Variants in JARID2 observed in about 807,000 individuals in gnomAD.
The protein encoded by JARID2 is jumonji and AT-rich interaction domain containing 2.
JARID2 carries 21 observed loss-of-function variants against 125.6 expected under a neutral mutation model. The observed-to-expected ratio is 0.17, with a 90% confidence interval of 0.12 to 0.24. The LOEUF is 0.24. JARID2 is among the 10% of genes least tolerant of loss of function. JARID2 has a pLI of 1.00. For missense variants in JARID2, 1,303 were observed against 1,639.6 expected (o/e 0.79, Z 3.55); for synonymous variants, 736 against 661.6 (o/e 1.11, Z -1.73).
rs1187133989 is a variant in JARID2, at chr6:15,346,611, G to A, written c.46-27506G>A. 2.0e-5 allele frequency among the ~76,000 whole-genome samples: 3 copies of A among 152,128 alleles called. No homozygotes were observed. In the East Asian group the frequency reaches 5.8e-4, roughly 29 times the overall value. On this transcript the variant is annotated intron_variant, in intron 1 of 17. Coordinates refer to ENST00000341776, the MANE Select transcript of JARID2 (RefSeq NM_004973.4). Reference sequence around the variant, plus strand: ...AACCCACTTCTCTGGGAGAGGGGATGTGGAGCCATCGTTTTGTCTTGATCT... The same window carrying A: ...AACCCACTTCTCTGGGAGAGGGGATATGGAGCCATCGTTTTGTCTTGATCT...
rs185272797 is a variant in JARID2, at chr6:15,406,164, G to A, written c.182-4060G>A. 2.4e-3 allele frequency among the ~76,000 whole-genome samples: 362 copies of A among 152,274 alleles called. 1 individual carries two copies. Among genetic ancestry groups the A allele is most frequent in the African/African-American group, 7.8e-3 (323 of 41,536 alleles). On this transcript the variant is annotated intron_variant, in intron 2 of 17. Coordinates refer to ENST00000341776, the MANE Select transcript of JARID2 (RefSeq NM_004973.4). The stretch of plus-strand genomic sequence containing the variant: ...AAAATCTATGGTCCTGGCCAGGCGC[G>A]GTGGCTCACGTCTGTAATCCTAGCA...
intron 1 of JARID2, among the ~76,000 whole-genome samples, chr6:15,279,317 C>T (rs544145321): frequency 1.3e-5 from 2 of 152,226 alleles, no homozygotes; most frequent in South Asian, 2.1e-4. Flanking sequence ...GGTTGGAGCA[C>T]GTCACTCCTA....
Position 15,362,656 on chromosome 6 carries a change from C to T in JARID2, c.46-11461C>T, listed in dbSNP as rs139147576. ...CTGCAAGGAAATTTGGAGTTTTCTT[C>T]TGAGATTCTGGGGAGCCATGGAAAG... is the stretch of plus-strand genomic sequence containing the variant. On this transcript the variant is annotated intron_variant, in intron 1 of 17. Transcript: ENST00000341776. Among the ~76,000 whole-genome samples the T allele has an allele frequency of 6.8e-3, 1,030 of 152,144 alleles. 6 individuals carry two copies. The highest frequency in any genetic ancestry group is 0.03 in the South Asian group (146 of 4,818).
At chr6:15,429,714 T>G (rs1485645406) in intron 3 of JARID2, among the ~76,000 whole-genome samples, 3 of 152,306 alleles carry the variant, frequency 2.0e-5, no homozygotes, top group Non-Finnish European at 4.4e-5. Context: ...TTGGATTTGT[T>G]TTTTTGAAGT....
In JARID2 at chr6:15,415,947, C is replaced by T. The variant is rs1421257017; in HGVS notation, c.323+5582C>T. ...CTTCCCAGACGGGGTGGCTGCCGGG[C>T]GGAGGGTCTCCTCACTTCTCAGACA... On this transcript the variant is annotated intron_variant, in intron 3 of 17. Transcript: ENST00000341776. Among the ~76,000 whole-genome samples, 79 of 150,970 alleles carry T rather than the reference C, an allele frequency of 5.2e-4. 1 individual carries two copies. The highest frequency in any genetic ancestry group is 1.6e-3 in the African/African-American group (65 of 41,090).
intron 3 of JARID2, among the ~76,000 whole-genome samples, chr6:15,444,621 T>TC (rs1169013120): frequency 1.3e-5 from 2 of 151,994 alleles, no homozygotes; most frequent in Non-Finnish European, 2.9e-5. Flanking sequence ...AAATTTTTTT[T>TC]TTTTTTGAAT....
At chr6:15,374,906 A>G (rs1463148507) in intron 2 of JARID2, among the ~76,000 whole-genome samples, 1 of 152,246 alleles carries the variant, frequency 6.6e-6, no homozygotes, top group African/African-American at 2.4e-5. Flanking sequence ...TTTCAGGGGA[A>G]TGCAGTGACA....
intron 4 of JARID2, among the ~76,000 whole-genome samples, chr6:15,459,880 A>G (rs968264034): frequency 2.0e-5 from 3 of 152,238 alleles, no homozygotes; most frequent in African/African-American, 7.2e-5. Context: ...TGCAAGGAAC[A>G]CTATGGTGCT....
At chr6:15,502,065 G>C (rs1486987661) in intron 8 of JARID2, among the ~76,000 whole-genome samples, 1 of 152,236 alleles carries the variant, frequency 6.6e-6, no homozygotes, top group Non-Finnish European at 1.5e-5. Flanking sequence ...CCATCAAAAT[G>C]AATCTCACCA....
chr6:15,299,089 C>T (rs940867889), intron 1 of JARID2, among the ~76,000 whole-genome samples: 7 of 151,186 alleles, frequency 4.6e-5, no homozygotes, highest in African/African-American at 1.7e-4. Context: ...TGTACACGAA[C>T]ACATCTGAAG....
chr6:15,323,298 C>T (rs1227679336), intron 1 of JARID2, among the ~76,000 whole-genome samples: 2 of 152,200 alleles, frequency 1.3e-5, no homozygotes, highest in Non-Finnish European at 2.9e-5. Flanking sequence ...CTTTCCTTTT[C>T]TTTCTTACAA....
At chr6:15,516,812 C>T (rs989746529) in intron 16 of JARID2, among the ~76,000 whole-genome samples, 5 of 152,168 alleles carry the variant, frequency 3.3e-5, no homozygotes, top group South Asian at 2.1e-4. Context: ...ATGAGAAATA[C>T]GCACCCCTCA....
chr6:15,338,367 A>G (rs1045534584), intron 1 of JARID2, among the ~76,000 whole-genome samples: 2 of 152,228 alleles, frequency 1.3e-5, no homozygotes, highest in African/African-American at 2.4e-5. Context: ...AATCTGGAGG[A>G]AAAATGCGTC....
intron 1 of JARID2, among the ~76,000 whole-genome samples, chr6:15,286,350 T>A (rs1489499108): frequency 1.3e-5 from 2 of 151,426 alleles, no homozygotes; most frequent in Admixed American, 6.6e-5. Flanking sequence ...CTTCCCGGAT[T>A]CAAATGATTC....
At chr6:15,398,749 T>C (rs1365513885) in intron 2 of JARID2, among the ~76,000 whole-genome samples, 4 of 152,148 alleles carry the variant, frequency 2.6e-5, no homozygotes, top group East Asian at 1.9e-4. Flanking sequence ...GCAGTGGAGA[T>C]AGGAAAGGGG....
chr6:15,248,956 T>C, intron 1 of JARID2: 1 of 985,586 alleles, frequency 1.0e-6, no homozygotes, highest in Non-Finnish European at 1.2e-6. Context: ...GCGTCGCGCT[T>C]CCCACCAGGT....
At position 15,339,184 on chromosome 6, in the gene JARID2, C is replaced by G. The variant is rs538820020; in HGVS notation, c.46-34933C>G. Among the ~76,000 whole-genome samples the G allele has an allele frequency of 4.6e-5, 7 of 152,224 alleles. No homozygotes were observed. In the South Asian group the frequency reaches 1.5e-3, roughly 32 times the overall value. On this transcript the variant is annotated intron_variant, in intron 1 of 17. Coordinates refer to ENST00000341776, the MANE Select transcript of JARID2 (RefSeq NM_004973.4). Reference sequence around the variant, plus strand: ...ATGGAAGGCTTACCTAGAACTAGGACCGGGCCTCTCAATTATACTAAGTTG... The same window carrying G: ...ATGGAAGGCTTACCTAGAACTAGGAGCGGGCCTCTCAATTATACTAAGTTG...
intron 1 of JARID2, among the ~76,000 whole-genome samples, chr6:15,366,629 T>C (rs982774808): frequency 6.6e-6 from 1 of 152,026 alleles, no homozygotes; most frequent in African/African-American, 2.4e-5. Context: ...TGATCCTGAG[T>C]GCTCCTTTCC....
chr6:15,441,741 G>A (rs1253044626), intron 3 of JARID2, among the ~76,000 whole-genome samples: 1 of 151,890 alleles, frequency 6.6e-6, no homozygotes, highest in East Asian at 1.9e-4. Context: ...AGTTTCTGCA[G>A]CTATCTTAGA....
Sources: allele counts gnomAD v4.1 joint callset (sites outside exome capture counted in the v4.1 genomes callset), GRCh38; gene constraint gnomAD v4.1.1; transcripts MANE v1.5; gene names NCBI Gene and HGNC (gene_info 2026-07-23, HGNC 2026-07-21).